PTPRN2: variants seen among roughly 807,000 people sequenced by gnomAD.
The protein encoded by PTPRN2 is receptor-type tyrosine-protein phosphatase N2.
Under a neutral mutation model 118.8 loss-of-function variants are expected in PTPRN2, and 74 were observed. The ratio of observed to expected loss-of-function variants is 0.62; its 90% CI spans 0.52 to 0.76. The LOEUF is 0.76. PTPRN2 is among the 30% of genes least tolerant of loss of function. PTPRN2 has a pLI of 0.00. For missense variants in PTPRN2, 1,481 were observed against 1,394.4 expected (o/e 1.06, Z -0.99); for synonymous variants, 641 against 608.0 (o/e 1.05, Z -0.80).
chr7:157,549,028 A>G lies in PTPRN2; in HGVS notation c.2903-9T>C, dbSNP rs766096877. 1.9e-6 allele frequency: 3 copies of G among 1,613,980 alleles called. No homozygotes were observed. Among genetic ancestry groups the G allele is most frequent in the Middle Eastern group, 1.6e-4 (1 of 6,062 alleles). On this transcript the variant is annotated splice_polypyrimidine_tract_variant and intron_variant, in intron 21 of 22. Coordinates refer to ENST00000389418, the MANE Select transcript of PTPRN2 (RefSeq NM_002847.5). The stretch of plus-strand genomic sequence containing the variant: ...ATCAATCTCTTTAGCACCTGCAACA[A>G]ACCACAAATTGGGCTGAGTTCAGAG...
intron 1 of PTPRN2, among the ~76,000 whole-genome samples, chr7:158,543,645 C>T (rs1294415680): frequency 6.6e-6 from 1 of 152,238 alleles, no homozygotes; most frequent in Non-Finnish European, 1.5e-5. Flanking sequence ...TTTTCCAAAA[C>T]CACGTTAAAT....
intron 3 of PTPRN2, among the ~76,000 whole-genome samples, chr7:158,287,613 A>AT (rs1799851179): frequency 6.6e-6 from 1 of 152,000 alleles, no homozygotes; most frequent in Non-Finnish European, 1.5e-5. Flanking sequence ...CAATTTCCAT[A>AT]TATTTGTCAA....
chr7:158,540,330 T>C (rs1338179368), intron 1 of PTPRN2, among the ~76,000 whole-genome samples: 4 of 152,178 alleles, frequency 2.6e-5, no homozygotes, highest in African/African-American at 9.6e-5. Context: ...CAAAAAGGGC[T>C]GTCAGCCCCT....
intron 6 of PTPRN2, among the ~76,000 whole-genome samples, chr7:158,163,712 T>A (rs1585698220): frequency 1.3e-5 from 2 of 152,046 alleles, no homozygotes; most frequent in Non-Finnish European, 2.9e-5. Flanking sequence ...CTCTGTGTAT[T>A]TCATAGGTGA....
At chr7:158,045,471 A>G (rs1585261651) in intron 11 of PTPRN2, among the ~76,000 whole-genome samples, 1 of 152,162 alleles carries the variant, frequency 6.6e-6, no homozygotes, top group East Asian at 1.9e-4. Context: ...AAATACTCAC[A>G]TCCATAGCAA....
rs142661771 is a variant in PTPRN2, at chr7:158,106,710, G to A, written c.1643+4119C>T. Among the ~76,000 whole-genome samples, 77 of 152,304 alleles carry A rather than the reference G, an allele frequency of 5.1e-4. 1 individual carries two copies. The highest frequency in any genetic ancestry group is 1.8e-3 in the African/African-American group (75 of 41,564). On this transcript the variant is annotated intron_variant, in intron 10 of 22. Transcript: ENST00000389418. Reference sequence around the variant, plus strand: ...CCCTGCTCCCCGAAGGTGATAGAGTGCCTGTTACATGATTTTCACTAGTGT... The same window carrying A: ...CCCTGCTCCCCGAAGGTGATAGAGTACCTGTTACATGATTTTCACTAGTGT...
At chr7:157,767,644 C>T (rs950575978) in intron 12 of PTPRN2, among the ~76,000 whole-genome samples, 1 of 152,158 alleles carries the variant, frequency 6.6e-6, no homozygotes, top group Admixed American at 6.5e-5. Flanking sequence ...GTCTGCCTTC[C>T]GTGGTCACAG....
intron 2 of PTPRN2, among the ~76,000 whole-genome samples, chr7:158,402,340 T>C (rs1338227792): frequency 6.6e-6 from 1 of 152,040 alleles, no homozygotes; most frequent in African/African-American, 2.4e-5. Flanking sequence ...TGTACACACA[T>C]GCATTCCAGC....
intron 2 of PTPRN2, among the ~76,000 whole-genome samples, chr7:158,362,180 C>T (rs1809035846): frequency 1.3e-5 from 2 of 152,216 alleles, no homozygotes; most frequent in South Asian, 2.1e-4. Context: ...CCTCCATCGC[C>T]CCAGCTCTCC....
intron 1 of PTPRN2, among the ~76,000 whole-genome samples, chr7:158,540,368 C>T (rs1825913193): frequency 6.6e-6 from 1 of 152,144 alleles, no homozygotes; most frequent in Non-Finnish European, 1.5e-5. Context: ...CCCTGGAGAG[C>T]TAAGGTTCCT....
intron 12 of PTPRN2, among the ~76,000 whole-genome samples, chr7:157,738,264 C>T (rs1008519855): frequency 1.3e-5 from 2 of 152,146 alleles, no homozygotes; most frequent in Non-Finnish European, 2.9e-5. Context: ...ACATTCCTGG[C>T]GTCTGAATTC....
At chr7:158,409,147 T>C (rs548180229) in intron 2 of PTPRN2, among the ~76,000 whole-genome samples, 10 of 152,362 alleles carry the variant, frequency 6.6e-5, no homozygotes, top group South Asian at 2.1e-4. Context: ...TTTACGTTAA[T>C]GAGTAGATGC....
intron 1 of PTPRN2, among the ~76,000 whole-genome samples, chr7:158,518,277 G>A (rs1823717300): frequency 6.6e-6 from 1 of 152,098 alleles, no homozygotes; most frequent in East Asian, 1.9e-4. Flanking sequence ...GGTGGGAGAA[G>A]GATATGAACA....
intron 2 of PTPRN2, among the ~76,000 whole-genome samples, chr7:158,361,460 G>A (rs1356060839): frequency 1.3e-5 from 2 of 152,210 alleles, no homozygotes; most frequent in East Asian, 1.9e-4. Context: ...GCTGGAGAAG[G>A]ACGCTGTGAA....
At chr7:158,178,918 C>T (rs547201840) in intron 5 of PTPRN2, among the ~76,000 whole-genome samples, 3 of 152,100 alleles carry the variant, frequency 2.0e-5, no homozygotes, top group African/African-American at 7.2e-5. Context: ...TCAATGGGCA[C>T]TTAGACTGGT....
chr7:158,569,843 G>A (rs1827898405), intron 1 of PTPRN2, among the ~76,000 whole-genome samples: 1 of 145,812 alleles, frequency 6.9e-6, no homozygotes. Context: ...AACGCGGGGC[G>A]CGAGGCCGCC....
intron 1 of PTPRN2, among the ~76,000 whole-genome samples, chr7:158,512,930 G>T (rs534873029): frequency 6.6e-6 from 1 of 152,188 alleles, no homozygotes. Flanking sequence ...AACATAAAGT[G>T]TTGAATAAAT....
chr7:157,945,693 A>G (rs1415132938), intron 11 of PTPRN2, among the ~76,000 whole-genome samples: 1 of 150,836 alleles, frequency 6.6e-6, no homozygotes, highest in South Asian at 2.2e-4. Context: ...TCCAGCTTGG[A>G]CGATGTCACC....
chr7:158,341,924 C>T (rs1182858247), intron 2 of PTPRN2, among the ~76,000 whole-genome samples: 6 of 142,296 alleles, frequency 4.2e-5, no homozygotes, highest in South Asian at 2.3e-4. Context: ...AGACGTCACT[C>T]ACACCCACAT....
Sources: allele counts gnomAD v4.1 joint callset (sites outside exome capture counted in the v4.1 genomes callset), GRCh38; gene constraint gnomAD v4.1.1; transcripts MANE v1.5; gene names NCBI Gene and HGNC (gene_info 2026-07-23, HGNC 2026-07-21).